OTUD7A: variants seen among roughly 807,000 people sequenced by gnomAD.
OTUD7A encodes OTU deubiquitinase 7A.
OTUD7A carries 12 observed loss-of-function variants against 65.7 expected under a neutral mutation model. The observed-to-expected ratio is 0.18, with a 90% CI of 0.12 to 0.30. The LOEUF is 0.30. Among genes scored for constraint, OTUD7A ranks in the 10% least tolerant of loss-of-function variants. The pLI is 1.00. For missense variants in OTUD7A, 1,148 were observed against 1,304.8 expected (o/e 0.88, Z 1.85); for synonymous variants, 641 against 586.3 (o/e 1.09, Z -1.35).
At chr15:31,585,708 A>G (rs746137766) in intron 3 of OTUD7A, among the ~76,000 whole-genome samples, 5 of 152,230 alleles carry the variant, frequency 3.3e-5, no homozygotes, top group Non-Finnish European at 7.3e-5. Flanking sequence ...TGTGCTCCAG[A>G]AAGAGCCCCG....
intron 2 of OTUD7A, 104 bp from the exon 3 acceptor site, chr15:31,655,354 C>G (rs562631864): frequency 1.1e-5 from 6 of 568,994 alleles, no homozygotes; most frequent in Non-Finnish European, 1.5e-5. Context: ...GAGGGTGGAG[C>G]CATTTCCACC....
intron 1 of OTUD7A, among the ~76,000 whole-genome samples, chr15:31,750,321 T>C (rs778615355): frequency 1.4e-5 from 2 of 143,362 alleles, no homozygotes; most frequent in Non-Finnish European, 3.0e-5. Flanking sequence ...GGCTTGAGAA[T>C]AGCCTGAACT....
intron 5 of OTUD7A, among the ~76,000 whole-genome samples, chr15:31,555,186 T>C (rs1398604134): frequency 6.6e-6 from 1 of 152,104 alleles, no homozygotes; most frequent in African/African-American, 2.4e-5. Context: ...TGAAGGCCAC[T>C]GTTTGCCAGT....
intron 1 of OTUD7A, among the ~76,000 whole-genome samples, chr15:31,770,261 A>G (rs1895198946): frequency 1.3e-5 from 2 of 152,252 alleles, no homozygotes; most frequent in Non-Finnish European, 2.9e-5. Context: ...ACAGACACCA[A>G]AAGTATTAAT....
Position 31,565,500 on chromosome 15 carries a change from T to C in OTUD7A, c.331+4518A>G, listed in dbSNP as rs78871084. Among the ~76,000 whole-genome samples, 149 of 152,324 alleles carry C rather than the reference T, an allele frequency of 9.8e-4. No individual in the cohort carries two copies. In the East Asian group the frequency reaches 0.027, roughly 28 times the overall value. On this transcript the variant is annotated intron_variant, in intron 4 of 12. Transcript: ENST00000307050. ...ATAATGTTCTTGGATAGAAGAACAA[T>C]ATTATAAATGCAAATTATTTTTAAA...
At chr15:31,683,940 C>T (rs1466383935) in intron 1 of OTUD7A, among the ~76,000 whole-genome samples, 2 of 152,140 alleles carry the variant, frequency 1.3e-5, no homozygotes, top group Admixed American at 1.3e-4. Flanking sequence ...ATTTATTTGT[C>T]CACACTCCCC....
rs763989435 is a variant in OTUD7A, at chr15:31,484,203, G to T, written c.1893C>A (p.Ile631=). The T allele has an allele frequency of 1.9e-6, 3 of 1,609,042 alleles. No individual in the cohort carries two copies. The highest frequency in any genetic ancestry group is 2.5e-6 in the Non-Finnish European group (3 of 1,179,012). Residue 631 remains isoleucine, a synonymous_variant, in exon 13 of 13, where the codon ATC becomes ATA. Coordinates refer to ENST00000307050, the MANE Select transcript of OTUD7A (RefSeq NM_001382637.1). This position sits in a 1 kb window ranked among gnomAD's most constrained non-coding sequence, Gnocchi z 4.5. ...YSTDVKLSLN[I]LRAAMQGERK... Reference sequence around the variant, plus strand: ...GCTCCCCCTGCATGGCGGCGCGCAGGATGTTGAGGCTCAGCTTCACATCCG... The same window carrying T: ...GCTCCCCCTGCATGGCGGCGCGCAGTATGTTGAGGCTCAGCTTCACATCCG...
chr15:31,780,313 T>C (rs913743770), intron 1 of OTUD7A, among the ~76,000 whole-genome samples: 1 of 111,630 alleles, frequency 9.0e-6, no homozygotes, highest in East Asian at 5.9e-4. Flanking sequence ...AAAATGGGGC[T>C]TCTTCTACAA....
At chr15:31,566,147 C>T (rs1001918613) in intron 4 of OTUD7A, among the ~76,000 whole-genome samples, 10 of 150,030 alleles carry the variant, frequency 6.7e-5, no homozygotes, top group African/African-American at 2.0e-4. Context: ...GCCGAGATTG[C>T]GCCACTGCAC....
At chr15:31,629,183 G>A (rs2141246916) in intron 3 of OTUD7A, among the ~76,000 whole-genome samples, 1 of 152,244 alleles carries the variant, frequency 6.6e-6, no homozygotes, top group East Asian at 1.9e-4. Context: ...TTTTCAAAGG[G>A]AATGCTTCCA....
intron 1 of OTUD7A, among the ~76,000 whole-genome samples, chr15:31,720,679 C>T (rs1481558285): frequency 3.3e-5 from 5 of 152,112 alleles, no homozygotes; most frequent in African/African-American, 4.8e-5. Flanking sequence ...GGATTACAGG[C>T]GTGAGCCACC....
intron 1 of OTUD7A, among the ~76,000 whole-genome samples, chr15:31,659,380 C>T (rs1201426567): frequency 6.6e-6 from 1 of 152,162 alleles, no homozygotes; most frequent in Non-Finnish European, 1.5e-5. Context: ...CTTCATCCTC[C>T]TTTCTATCCT....
chr15:31,813,438 C>T (rs967775130), intron 1 of OTUD7A, among the ~76,000 whole-genome samples: 1 of 152,234 alleles, frequency 6.6e-6, no homozygotes, highest in Non-Finnish European at 1.5e-5. Context: ...AAGAACTATT[C>T]TACTGCTCCA....
intron 1 of OTUD7A, among the ~76,000 whole-genome samples, chr15:31,843,331 CA>C (rs80294740): frequency 0.013 from 1,083 of 83,618 alleles, 8 homozygotes; most frequent in East Asian, 0.052. Context: ...ATTTTTTCTC[CA>C]AAAAAAAAAA....
intron 1 of OTUD7A, among the ~76,000 whole-genome samples, chr15:31,747,052 CTTGG>C (rs574531509): frequency 5.4e-4 from 82 of 152,196 alleles, no homozygotes; most frequent in African/African-American, 1.8e-3. Flanking sequence ...TTGAACTATA[CTTGG>C]TTGATTTTTT....
chr15:31,635,302 C>T (rs995361382), intron 3 of OTUD7A, among the ~76,000 whole-genome samples: 3 of 152,224 alleles, frequency 2.0e-5, no homozygotes, highest in Non-Finnish European at 4.4e-5. Flanking sequence ...CTGGGACCTA[C>T]AGGTCACCTT....
intron 1 of OTUD7A, among the ~76,000 whole-genome samples, chr15:31,859,433 A>C (rs1897663212): frequency 6.6e-6 from 1 of 152,236 alleles, no homozygotes; most frequent in African/African-American, 2.4e-5. Context: ...ATGAACATAA[A>C]CATTTGTAAG....
chr15:31,685,882 C>T (rs958294447), intron 1 of OTUD7A, among the ~76,000 whole-genome samples: 5 of 152,238 alleles, frequency 3.3e-5, no homozygotes, highest in African/African-American at 1.2e-4. Context: ...TCTTGACTGG[C>T]TGACCCACCT....
At chr15:31,826,183 A>C (rs1222859443) in intron 1 of OTUD7A, among the ~76,000 whole-genome samples, 1 of 152,224 alleles carries the variant, frequency 6.6e-6, no homozygotes, top group Non-Finnish European at 1.5e-5. Context: ...TTCCCTATGC[A>C]CTGCCCTAGC....
Sources: allele counts gnomAD v4.1 joint callset (sites outside exome capture counted in the v4.1 genomes callset), GRCh38; gene constraint gnomAD v4.1.1; non-coding constraint Gnocchi (gnomAD v3.1); transcripts MANE v1.5; gene names NCBI Gene and HGNC (gene_info 2026-07-23, HGNC 2026-07-21).